Variants in SMUG1 observed in about 807,000 individuals in gnomAD.
The protein encoded by SMUG1 is single-strand-selective monofunctional uracil-DNA glycosylase 1, also known as single-strand selective monofunctional uracil DNA glycosylase.
SMUG1 carries 13 observed loss-of-function variants against 23.9 expected under a neutral mutation model. The observed-to-expected ratio is 0.54, with a 90% CI of 0.35 to 0.86. The LOEUF (loss-of-function observed/expected upper bound fraction) is 0.86, where lower values mean the gene tolerates loss of function less well. Among genes scored for constraint, SMUG1 ranks in the 40% least tolerant of loss-of-function variants. SMUG1 has a pLI of 0.01. For missense variants in SMUG1, 313 were observed against 339.5 expected (o/e 0.92, Z 0.61); for synonymous variants, 133 against 139.8 (o/e 0.95, Z 0.34).
downstream of SMUG1, among the ~76,000 whole-genome samples, chr12:54,177,656 GA>G (rs368744648): frequency 2.0e-3 from 276 of 140,150 alleles, 1 homozygote; most frequent in Middle Eastern, 0.018. Flanking sequence ...ACCACTCAGA[GA>G]AAAAAAAAAA....
In SMUG1 at chr12:54,181,406, T is replaced by C; in HGVS notation, c.*690A>G. The C allele has an allele frequency of 1.4e-6, 1 of 706,072 alleles. No individual in the cohort carries two copies. Among genetic ancestry groups the C allele is most frequent in the South Asian group, 1.8e-5 (1 of 55,460 alleles). 43.7% of individuals were successfully genotyped at this position (706,072 alleles called of 1,614,324 possible). A position where few individuals can be genotyped will look rare whatever the true frequency, so the allele number is the denominator to read the frequency against. ...AGCCCATGCAAGGCACTTTCAAGTG[T>C]GATCTCAGTTAATCCTCACACCAAC... On this transcript the variant is annotated 3_prime_UTR_variant, in exon 4 of 4. Transcript: ENST00000682136.
Position 54,181,962 on chromosome 12 carries a change from C to T in SMUG1, c.*134G>A. On this transcript the variant is annotated 3_prime_UTR_variant, in exon 4 of 4. Coordinates refer to ENST00000682136, the MANE Select transcript of SMUG1 (RefSeq NM_001243787.2). The stretch of plus-strand genomic sequence containing the variant: ...CAGGTTGGAAGACAGTTCAACAGAT[C>T]AAAGAATACGTTTCCCAGCGACCAG... 1 of 1,497,462 alleles carries T rather than the reference C, an allele frequency of 6.7e-7. No individual in the cohort carries two copies. The highest frequency in any genetic ancestry group is 8.9e-7 in the Non-Finnish European group (1 of 1,126,374). 92.8% of individuals were successfully genotyped at this position (1,497,462 alleles called of 1,614,324 possible).
At chr12:54,171,085 G>A (rs979728794) in intron 3 of SMUG1, among the ~76,000 whole-genome samples, 8 of 149,522 alleles carry the variant, frequency 5.4e-5, no homozygotes, top group African/African-American at 7.4e-5. Context: ...TGCAACCTCC[G>A]CCTCCCAGGT....
chr12:54,174,142 G>T (rs1048407094), intron 2 of SMUG1, among the ~76,000 whole-genome samples: 3 of 152,130 alleles, frequency 2.0e-5, no homozygotes, highest in Non-Finnish European at 4.4e-5. Context: ...GTGATTCACA[G>T]GGGACACACA....
At chr12:54,159,843 C>T (rs1040077708), downstream of SMUG1, among the ~76,000 whole-genome samples, 3 of 152,240 alleles carry the variant, frequency 2.0e-5, no homozygotes, top group African/African-American at 7.2e-5. Context: ...ATCGGAGCAT[C>T]AGCCAGGGCG....
chr12:54,165,022 G>GT (rs988698385), intron 4 of SMUG1: 1 of 152,116 alleles, frequency 6.6e-6, no homozygotes, highest in Non-Finnish European at 1.5e-5. Flanking sequence ...GCCTACGATG[G>GT]TAAGTACCTT....
intron 2 of SMUG1, chr12:54,175,257 T>C (rs1240804935): frequency 1.3e-5 from 2 of 152,276 alleles, no homozygotes; most frequent in Non-Finnish European, 2.9e-5. Flanking sequence ...CCAGGCTGCA[T>C]TTCCAGTCTT....
downstream of SMUG1, chr12:54,162,837 C>T (rs1452652715): frequency 6.6e-6 from 1 of 152,242 alleles, no homozygotes; most frequent in African/African-American, 2.4e-5. Flanking sequence ...ACCATCTGCT[C>T]CTGCTCACTC....
intron 2 of SMUG1, 141 bp from the exon 3 acceptor site, chr12:54,184,100 A>G (rs947406084): frequency 6.3e-6 from 4 of 632,740 alleles, no homozygotes; most frequent in Non-Finnish European, 1.0e-5. Context: ...CCAACCACCA[A>G]GTAGGACTGA....
At chr12:54,171,686 C>A (rs939397162) in intron 3 of SMUG1, among the ~76,000 whole-genome samples, 704 of 68,482 alleles carry the variant, frequency 0.01, no homozygotes, top group East Asian at 0.019. Context: ...AGTCTTGTCT[C>A]AAAAAAAAAA....
intron 1 of SMUG1, 108 bp from the exon 2 acceptor site, chr12:54,188,010 C>G (rs1421901083): frequency 1.3e-5 from 2 of 151,978 alleles, no homozygotes; most frequent in African/African-American, 4.8e-5. Context: ...TAAGTTCTAC[C>G]CAAAGTCGCC....
At chr12:54,167,106 G>C (rs1048912923) in intron 3 of SMUG1, among the ~76,000 whole-genome samples, 1 of 152,112 alleles carries the variant, frequency 6.6e-6, no homozygotes, top group Non-Finnish European at 1.5e-5. Context: ...TTGAGTGGTG[G>C]GTGGAAATCA....
At chr12:54,179,927 C>A (rs774984177), downstream of SMUG1, among the ~76,000 whole-genome samples, 3 of 152,222 alleles carry the variant, frequency 2.0e-5, no homozygotes, top group Non-Finnish European at 2.9e-5. Context: ...GCCCTCTGCT[C>A]ATAGAAACAG....
At chr12:54,179,223 C>T (rs1940826312), downstream of SMUG1, among the ~76,000 whole-genome samples, 1 of 152,156 alleles carries the variant, frequency 6.6e-6, no homozygotes, top group Admixed American at 6.5e-5. Context: ...TGTGGGACTT[C>T]GCCCTGTGAT....
rs769447985 is a variant in SMUG1 at position 54,182,350 on chromosome 12, G to A, written c.559C>T (p.Arg187Ter). The change falls in exon 4 of 4, where the codon CGA becomes TGA. Residue 187 changes from arginine to a stop codon, truncating the protein, a stop_gained. Transcript: ENST00000682136. LOFTEE classifies it high-confidence loss of function. ...LTPAELPAKQ[R>*]EQLLGICDAA... ...TCACAGATCCCAAGAAGCTGTTCTC[G>A]CTGCTTGGCAGGCAGCTCAGCAGGA... 5 of 1,614,138 alleles carry A rather than the reference G, an allele frequency of 3.1e-6. No homozygotes were observed. The Admixed American group carries it at 5.0e-5, about 16-fold the overall frequency.
downstream of SMUG1, among the ~76,000 whole-genome samples, chr12:54,180,078 C>T (rs573067855): frequency 5.9e-5 from 9 of 152,354 alleles, no homozygotes; most frequent in Non-Finnish European, 1.3e-4. Flanking sequence ...TGAACTCAAT[C>T]TCTAGCCCCT....
downstream of SMUG1, among the ~76,000 whole-genome samples, chr12:54,159,891 G>A (rs1017628216): frequency 6.6e-6 from 1 of 152,224 alleles, no homozygotes; most frequent in African/African-American, 2.4e-5. Context: ...CACTGACCAG[G>A]GTACATTACC....
chr12:54,182,862 C>T, intron 3 of SMUG1: 1 of 666,570 alleles, frequency 1.5e-6, no homozygotes. Flanking sequence ...GCCCAACTAG[C>T]CTTTGGGACT....
downstream of SMUG1, among the ~76,000 whole-genome samples, chr12:54,176,271 G>A (rs1291315780): frequency 6.6e-6 from 1 of 151,894 alleles, no homozygotes; most frequent in Admixed American, 6.6e-5. Flanking sequence ...TGTAATCCCA[G>A]CACTTTAGGA....
Sources: allele counts gnomAD v4.1 joint callset (sites outside exome capture counted in the v4.1 genomes callset), GRCh38; gene constraint gnomAD v4.1.1; transcripts MANE v1.5; gene names NCBI Gene and HGNC (gene_info 2026-07-23, HGNC 2026-07-21).